Variants in MRGPRX1 observed in about 807,000 individuals in gnomAD.
The protein encoded by MRGPRX1 is MAS related GPR family member X1, also known as mas-related G protein-coupled receptor member X1.
For missense variants in MRGPRX1, 411 were observed against 393.8 expected, an observed-to-expected ratio of 1.04 and a Z score of -0.37; for synonymous variants, 208 against 170.4, an observed-to-expected ratio of 1.22 and a Z score of -1.72.
rs1802691008 is a variant in MRGPRX1, at chr11:18,934,493, G to C, written c.292C>G (p.Leu98Val). ...TAGGAAAACATCATCACAGGATAGAGGATTTTAGAGATGGTATGGGGGATA... is the reference window on the plus strand; with the variant it reads ...TAGGAAAACATCATCACAGGATAGACGATTTTAGAGATGGTATGGGGGATA... ...ISIPHTISKI[L>V]YPVMMFSYFA... The change falls in exon 2 of 2, where the codon CTC (leucine) becomes GTC (valine). Residue 98 changes from leucine to valine, a missense_variant. By Grantham distance (32) the Leu-to-Val change is conservative (BLOSUM62 1). Transcript: ENST00000526914. 1 of 1,610,696 alleles carries C rather than the reference G, an allele frequency of 6.2e-7. No homozygotes were observed. Among genetic ancestry groups the C allele is most frequent in the African/African-American group, 1.3e-5 (1 of 74,846 alleles).
chr11:18,935,864 T>C (rs1255902922), intron 1 of MRGPRX1, among the ~76,000 whole-genome samples: 1 of 151,450 alleles, frequency 6.6e-6, no homozygotes, highest in Non-Finnish European at 1.5e-5. Context: ...GGTTCGTTTC[T>C]TTGTTGATGC....
intron 1 of MRGPRX1, chr11:18,935,116 A>C (rs950807535): frequency 2.9e-5 from 7 of 244,742 alleles, no homozygotes; most frequent in African/African-American, 4.5e-5. Context: ...CTGGGCCTGA[A>C]ATTTTCTCTC....
At chr11:18,935,568 G>A (rs1441702190) in intron 1 of MRGPRX1, among the ~76,000 whole-genome samples, 1 of 151,516 alleles carries the variant, frequency 6.6e-6, no homozygotes, top group African/African-American at 2.4e-5. Flanking sequence ...AAGAATGATT[G>A]ATGAGTGCCC....
At chr11:18,938,018 G>T (rs978723664) in intron 1 of MRGPRX1, among the ~76,000 whole-genome samples, 2 of 151,412 alleles carry the variant, frequency 1.3e-5, no homozygotes, top group Non-Finnish European at 3.0e-5. Context: ...ATGATGATTT[G>T]CTTTCCATTC....
In MRGPRX1 at chr11:18,934,431, G is replaced by C. The variant is rs777130211; in HGVS notation, c.354C>G (p.Thr118=). The C allele has an allele frequency of 2.5e-6, 4 of 1,610,500 alleles. No individual in the cohort carries two copies. The highest frequency in any genetic ancestry group is 3.4e-6 in the Non-Finnish European group (4 of 1,178,038). ...AGLSFLSAVS[T]ERCLSVLWPI... ...GCCACAGGACGGACAGGCAGCGCTCGGTGCTCACGGCACTCAGAAAGCTCA... is the reference window on the plus strand; with the variant it reads ...GCCACAGGACGGACAGGCAGCGCTCCGTGCTCACGGCACTCAGAAAGCTCA... The change falls in exon 2 of 2, where the codon ACC becomes ACG. Residue 118 remains threonine (T), a synonymous_variant. Coordinates refer to ENST00000526914, the MANE Select transcript of MRGPRX1 (RefSeq NM_001393578.1).
Position 18,934,604 on chromosome 11 carries a change from A to C in MRGPRX1, c.181T>G (p.Phe61Val), listed in dbSNP as rs756576637. Residue 61 changes from phenylalanine to valine, a missense_variant, in exon 2 of 2, where the codon TTC becomes GTC. Transcript: ENST00000526914. Reference protein sequence around the residue: ...LLGCRMRRNAFSIYILNLAAA... With the variant: ...LLGCRMRRNAVSIYILNLAAA... ...GCCAAGTTGAGGATGTAGATGGAGA[A>C]GGCGTTCCTGCGCATGCGGCAGCCC... The C allele has an allele frequency of 3.5e-5, 56 of 1,609,832 alleles. 1 individual carries two copies. Among genetic ancestry groups the C allele is most frequent in the Middle Eastern group, 1.7e-4 (1 of 6,060 alleles).
In MRGPRX1 at chr11:18,934,002, G is replaced by C; in HGVS notation, c.783C>G (p.Ser261=). The stretch of plus-strand genomic sequence containing the variant: ...TGGGGTTGGCACTGCTGTTAAGAGC[G>C]GACAGGAAAATAGAAACTAGATGAA... ...CHVHLVSIFL[S]ALNSSANPII... The change falls in exon 2 of 2, where the codon TCC becomes TCG. Residue 261 remains serine (S), a synonymous_variant. Transcript: ENST00000526914. The C allele has an allele frequency of 6.2e-7, 1 of 1,610,794 alleles. No homozygotes were observed. The highest frequency in any genetic ancestry group is 8.5e-7 in the Non-Finnish European group (1 of 1,178,190).
intron 1 of MRGPRX1, among the ~76,000 whole-genome samples, chr11:18,936,831 G>A (rs1424651348): frequency 6.6e-6 from 1 of 151,450 alleles, no homozygotes; most frequent in Non-Finnish European, 1.5e-5. Flanking sequence ...GAGAATTAAA[G>A]TGTTTTCATG....
chr11:18,934,421 G>T lies in MRGPRX1; in HGVS notation c.364C>A (p.Leu122Met). The change falls in exon 2 of 2, where the codon CTG becomes ATG. Residue 122 changes from leucine (L) to methionine (M), a missense_variant. Transcript: ENST00000526914. Reference sequence around the variant, plus strand: ...TACCAGATGGGCCACAGGACGGACAGGCAGCGCTCGGTGCTCACGGCACTC... The same window carrying T: ...TACCAGATGGGCCACAGGACGGACATGCAGCGCTCGGTGCTCACGGCACTC... ...FLSAVSTERCLSVLWPIWYRC... is the reference protein window; with the variant it reads ...FLSAVSTERCMSVLWPIWYRC... The T allele has an allele frequency of 6.2e-7, 1 of 1,610,732 alleles. No homozygotes were observed.
rs1263681185 is a variant in MRGPRX1, at chr11:18,934,382, G to C, written c.403C>G (p.Pro135Ala). The change falls in exon 2 of 2, where the codon CCC (proline) becomes GCC (alanine). Residue 135 changes from proline (P) to alanine (A), a missense_variant. Transcript: ENST00000526914. ...LWPIWYRCHRPTHLSAVVCVL... is the reference protein window; with the variant it reads ...LWPIWYRCHRATHLSAVVCVL... ...CACACCACCGCTGACAGGTGTGTGG[G>C]GCGGTGGCAGCGGTACCAGATGGGC... is the stretch of plus-strand genomic sequence containing the variant. The C allele has an allele frequency of 1.2e-6, 2 of 1,610,842 alleles. 1 individual carries two copies. Among genetic ancestry groups the C allele is most frequent in the South Asian group, 2.2e-5 (2 of 90,788 alleles).
chr11:18,938,347 A>G (rs573292734), intron 1 of MRGPRX1, among the ~76,000 whole-genome samples: 2 of 151,690 alleles, frequency 1.3e-5, no homozygotes, highest in East Asian at 3.9e-4. Context: ...GCTTCCAATC[A>G]TGGTGAAAGG....
rs1848812700 is a variant in MRGPRX1 at position 18,933,957 on chromosome 11, G to A, written c.828C>T (p.Gly276=). 1.2e-6 allele frequency: 2 copies of A among 1,610,976 alleles called. No individual in the cohort carries two copies. The highest frequency in any genetic ancestry group is 3.4e-5 in the Admixed American group (2 of 59,396). Residue 276 remains glycine, a synonymous_variant, in exon 2 of 2, where the codon GGC becomes GGT. Transcript: ENST00000526914. ...SANPIIYFFV[G]SFRQRQNRQN... ...GCCTATTTTGACGCTGCCTAAAGGA[G>A]CCCACGAAGAAGTAAATGATGGGGT...
rs145122494 is a variant in MRGPRX1, at chr11:18,934,439, C to T, written c.346G>A (p.Val116Met). The change falls in exon 2 of 2, where the codon GTG (valine) becomes ATG (methionine). Residue 116 changes from valine to methionine, a missense_variant. By Grantham distance (21) the Val-to-Met change is conservative. Transcript: ENST00000526914. Reference sequence around the variant, plus strand: ...ACGGACAGGCAGCGCTCGGTGCTCACGGCACTCAGAAAGCTCAGGCCTGCA... The same window carrying T: ...ACGGACAGGCAGCGCTCGGTGCTCATGGCACTCAGAAAGCTCAGGCCTGCA... ...YFAGLSFLSA[V>M]STERCLSVLW... 50 of 1,610,492 alleles carry T rather than the reference C, an allele frequency of 3.1e-5. No individual in the cohort carries two copies. Among genetic ancestry groups the T allele is most frequent in the South Asian group, 1.8e-4 (16 of 90,720 alleles).
rs1157549004 is a variant in MRGPRX1 at position 18,934,508 on chromosome 11, T to G, written c.277A>C (p.Thr93Pro). The change falls in exon 2 of 2, where the codon ACC (threonine) becomes CCC (proline). Residue 93 changes from threonine (T) to proline (P), a missense_variant. Coordinates refer to ENST00000526914, the MANE Select transcript of MRGPRX1 (RefSeq NM_001393578.1). ...SLLSFISIPH[T>P]ISKILYPVMM... ...ACAGGATAGAGGATTTTAGAGATGG[T>G]ATGGGGGATACTGATGAAGCTTAAC... is the stretch of plus-strand genomic sequence containing the variant. The G allele has an allele frequency of 6.2e-7, 1 of 1,610,352 alleles. No homozygotes were observed. Among genetic ancestry groups the G allele is most frequent in the Non-Finnish European group, 8.5e-7 (1 of 1,178,020 alleles).
intron 1 of MRGPRX1, among the ~76,000 whole-genome samples, chr11:18,936,742 T>G (rs1848844128): frequency 6.6e-6 from 1 of 151,524 alleles, no homozygotes; most frequent in Non-Finnish European, 1.5e-5. Flanking sequence ...CACTGTGGTA[T>G]CACCAACATT....
rs749649541 is a variant in MRGPRX1 at position 18,933,871 on chromosome 11, C to T, written c.914G>A (p.Gly305Glu). 3 of 1,610,442 alleles carry T rather than the reference C, an allele frequency of 1.9e-6. No individual in the cohort carries two copies. The highest frequency in any genetic ancestry group is 2.5e-6 in the Non-Finnish European group (3 of 1,178,078). Residue 305 changes from glycine to glutamate, a missense_variant, in exon 2 of 2, where the codon GGA (glycine) becomes GAA (glutamate). Gly to Glu is a moderately conservative substitution (Grantham distance 98). Transcript: ENST00000526914. ...LQDASEVDEG[G>E]GQLPEEILEL... ...CAGGATTTCCTCAGGAAGCTGCCCT[C>T]CACCTTCATCCACCTCAGACGCGTC...
At chr11:18,939,041 G>C (rs1456885939) in intron 1 of MRGPRX1, among the ~76,000 whole-genome samples, 2 of 151,526 alleles carry the variant, frequency 1.3e-5, no homozygotes, top group Non-Finnish European at 2.9e-5. Context: ...TAAGAGGACA[G>C]GTTCAGTGAT....
chr11:18,935,677 G>A (rs1470177922), intron 1 of MRGPRX1, among the ~76,000 whole-genome samples: 2 of 151,422 alleles, frequency 1.3e-5, no homozygotes, highest in African/African-American at 4.8e-5. Flanking sequence ...TTTGGGTAGG[G>A]TGTGGGTCTG....
Position 18,934,427 on chromosome 11 carries a change from G to C in MRGPRX1, c.358C>G (p.Arg120Gly). Reference sequence around the variant, plus strand: ...ATGGGCCACAGGACGGACAGGCAGCGCTCGGTGCTCACGGCACTCAGAAAG... The same window carrying C: ...ATGGGCCACAGGACGGACAGGCAGCCCTCGGTGCTCACGGCACTCAGAAAG... ...LSFLSAVSTE[R>G]CLSVLWPIWY... Residue 120 changes from arginine to glycine, a missense_variant, in exon 2 of 2, where the codon CGC (arginine) becomes GGC (glycine). Arg to Gly is a moderately radical substitution (Grantham distance 125). Transcript: ENST00000526914. 1 of 1,610,642 alleles carries C rather than the reference G, an allele frequency of 6.2e-7. No individual in the cohort carries two copies. Among genetic ancestry groups the C allele is most frequent in the South Asian group, 1.1e-5 (1 of 90,732 alleles).
Sources: allele counts gnomAD v4.1 joint callset (sites outside exome capture counted in the v4.1 genomes callset), GRCh38; gene constraint gnomAD v4.1.1; transcripts MANE v1.5; gene names NCBI Gene and HGNC (gene_info 2026-07-23, HGNC 2026-07-21).